The following SULF1 variants were observed in gnomAD, a reference collection of about 807,000 sequenced individuals.
The protein encoded by SULF1 is extracellular sulfatase Sulf-1.
A neutral mutation model predicts 110.5 loss-of-function variants in SULF1; 46 were observed. That is an observed-to-expected ratio of 0.42 (90% CI 0.33 to 0.53). The LOEUF is 0.53. Ranked by LOEUF, SULF1 falls within the 20% of genes least tolerant of loss-of-function variation. The pLI is 0.12. For missense variants in SULF1, 941 were observed against 1,094.2 expected, an observed-to-expected ratio of 0.86 and a Z score of 1.98; for synonymous variants, 371 against 387.1, an observed-to-expected ratio of 0.96 and a Z score of 0.49.
chr8:69,562,263 G>A (rs1237259415), intron 3 of SULF1, among the ~76,000 whole-genome samples: 1 of 152,186 alleles, frequency 6.6e-6, no homozygotes, highest in African/African-American at 2.4e-5. Context: ...AAAATAATGT[G>A]TATGGTAGGG....
chr8:69,597,032 A>C (rs1451550931), intron 8 of SULF1: 1 of 152,222 alleles, frequency 6.6e-6, no homozygotes, highest in Admixed American at 6.5e-5. Context: ...TAATTCCAAA[A>C]CATTCTGGAA....
chr8:69,551,109 G>T (rs920166094), intron 3 of SULF1, among the ~76,000 whole-genome samples: 3 of 152,204 alleles, frequency 2.0e-5, no homozygotes, highest in Non-Finnish European at 4.4e-5. Flanking sequence ...GGCCCACAGG[G>T]GGCGATTGGC....
intron 1 of SULF1, among the ~76,000 whole-genome samples, chr8:69,483,938 T>C (rs1809602489): frequency 6.6e-6 from 1 of 152,218 alleles, no homozygotes; most frequent in East Asian, 1.9e-4. Flanking sequence ...GTGCTATACA[T>C]ACATTATCTA....
chr8:69,506,327 T>C (rs1811196100), intron 3 of SULF1, among the ~76,000 whole-genome samples: 1 of 152,158 alleles, frequency 6.6e-6, no homozygotes, highest in Non-Finnish European at 1.5e-5. Flanking sequence ...TAAATTGTCT[T>C]CTCCTGCACC....
At chr8:69,574,970 G>T (rs908255692) in intron 5 of SULF1, among the ~76,000 whole-genome samples, 1 of 152,154 alleles carries the variant, frequency 6.6e-6, no homozygotes, top group Admixed American at 6.5e-5. Context: ...TTTGCATTAC[G>T]ATTTCCTTCC....
rs149251169 is a variant in SULF1 at position 69,538,959 on chromosome 8, G to A, written c.-133-24580G>A. ...GCCGGCTTCGGCCTCCCAAAGTGCT[G>A]GGATTGCAGGCGTAAGCTACCGTGC... is the stretch of plus-strand genomic sequence containing the variant. On this transcript the variant is annotated intron_variant, in intron 3 of 22. Transcript: ENST00000402687. 8.9e-3 allele frequency among the ~76,000 whole-genome samples: 1,348 copies of A among 152,286 alleles called. 30 individuals are homozygous for A. Among genetic ancestry groups the A allele is most frequent in the African/African-American group, 0.03 (1,256 of 41,552 alleles).
intron 3 of SULF1, among the ~76,000 whole-genome samples, chr8:69,532,682 T>A (rs1022025432): frequency 6.6e-6 from 1 of 152,220 alleles, no homozygotes; most frequent in Non-Finnish European, 1.5e-5. Flanking sequence ...TGTTACTAAT[T>A]AGAATCAGTT....
intron 14 of SULF1, among the ~76,000 whole-genome samples, chr8:69,622,305 G>A (rs1261442167): frequency 6.6e-6 from 1 of 152,134 alleles, no homozygotes; most frequent in African/African-American, 2.4e-5. Context: ...AAGGCCAGGC[G>A]CGGTGACTCA....
At chr8:69,567,640 A>C (rs888740206) in intron 5 of SULF1, among the ~76,000 whole-genome samples, 1 of 152,192 alleles carries the variant, frequency 6.6e-6, no homozygotes, top group Non-Finnish European at 1.5e-5. Flanking sequence ...CTCAAGGCTC[A>C]TCCATGTTGT....
At chr8:69,506,687 A>G (rs183501019) in intron 3 of SULF1, among the ~76,000 whole-genome samples, 28 of 152,290 alleles carry the variant, frequency 1.8e-4, no homozygotes, top group Admixed American at 1.8e-3. Flanking sequence ...AGCAAACTCC[A>G]GAGATGTTGA....
At chr8:69,624,474 G>A (rs1046551566) in intron 15 of SULF1, among the ~76,000 whole-genome samples, 4 of 152,178 alleles carry the variant, frequency 2.6e-5, no homozygotes, top group Admixed American at 6.5e-5. Context: ...GAATCCAGCC[G>A]GAGTAATTCC....
At chr8:69,621,293 C>A in intron 14 of SULF1, 42 bp downstream of exon 14, 1 of 1,492,274 alleles carries the variant, frequency 6.7e-7, no homozygotes, top group Non-Finnish European at 9.2e-7. Context: ...TGGCCTAGGC[C>A]TGTGGGAATA....
chr8:69,501,783 C>A (rs545460682), intron 2 of SULF1, 91 bp from the exon 3 acceptor site: 1 of 152,144 alleles, frequency 6.6e-6, no homozygotes, highest in Non-Finnish European at 1.5e-5. Context: ...ATGATCACCC[C>A]CTTTGAGGCT....
chr8:69,654,252 A>C (rs937132375), intron 22 of SULF1, among the ~76,000 whole-genome samples: 3 of 152,144 alleles, frequency 2.0e-5, no homozygotes, highest in African/African-American at 7.2e-5. Context: ...TCCATTTATG[A>C]CCAAAGTTTT....
intron 22 of SULF1, among the ~76,000 whole-genome samples, chr8:69,649,364 C>T (rs1273561691): frequency 6.6e-6 from 1 of 151,998 alleles, no homozygotes; most frequent in Non-Finnish European, 1.5e-5. Context: ...GAGGTATTTC[C>T]GTAGAACAAA....
intron 1 of SULF1, among the ~76,000 whole-genome samples, chr8:69,484,887 G>A (rs566339322): frequency 7.2e-6 from 1 of 139,720 alleles, no homozygotes; most frequent in Admixed American, 7.0e-5. Flanking sequence ...CCTCCTCTTC[G>A]AGACAGGAGT....
chr8:69,626,033 T>C (rs1214449064), intron 15 of SULF1: 3 of 152,302 alleles, frequency 2.0e-5, no homozygotes, highest in African/African-American at 7.2e-5. Flanking sequence ...TGTCGATTGG[T>C]GCATTCGCAA....
chr8:69,601,930 CA>C, intron 10 of SULF1, 101 bp downstream of exon 10: 1 of 1,275,814 alleles, frequency 7.8e-7, no homozygotes, highest in Non-Finnish European at 1.1e-6. Flanking sequence ...TCATCCAAAA[CA>C]AAAAAGGATG....
Position 69,537,122 on chromosome 8 carries a change from A to G in SULF1, c.-133-26417A>G, listed in dbSNP as rs1053179403. 2.0e-5 allele frequency among the ~76,000 whole-genome samples: 3 copies of G among 152,292 alleles called. No individual in the cohort carries two copies. In the South Asian group the frequency reaches 6.2e-4, roughly 32 times the overall value. ...CTTCTATCATTAGCACCTCTGACTC[A>G]CTGCACAGCATTAGGAGACTCTGTG... On this transcript the variant is annotated intron_variant, in intron 3 of 22. Transcript: ENST00000402687.
Sources: gnomAD v4.1 joint callset for allele counts (sites outside exome capture counted in the v4.1 genomes callset) on GRCh38, gnomAD v4.1.1 for gene constraint, MANE v1.5 for transcripts, NCBI Gene and HGNC (gene_info 2026-07-23, HGNC 2026-07-21) for gene names.